ENTPD1: variants seen among roughly 807,000 people sequenced by gnomAD.
The protein encoded by ENTPD1 is ectonucleoside triphosphate diphosphohydrolase 1, also known as ATP diphosphohydrolase.
A neutral mutation model predicts 57.0 loss-of-function variants in ENTPD1; 33 were observed. The ratio of observed to expected loss-of-function variants is 0.58; its 90% CI spans 0.44 to 0.77. The LOEUF is 0.77. Among genes scored for constraint, ENTPD1 ranks in the 30% least tolerant of loss-of-function variants. The probability of loss-of-function intolerance (pLI) is 0.00; values close to 1 mark genes in which losing one functional copy is unlikely to be tolerated. For missense variants in ENTPD1, 501 were observed against 603.4 expected (o/e 0.83, Z 1.78); for synonymous variants, 202 against 218.8 (o/e 0.92, Z 0.68).
intron 2 of ENTPD1, chr10:95,839,300 G>C (rs991715174): frequency 3.7e-6 from 1 of 272,336 alleles, no homozygotes; most frequent in Admixed American, 4.9e-5. Flanking sequence ...GGTGATTCCC[G>C]TATGATTCCA....
chr10:95,810,426 G>A (rs907734574), intron 1 of ENTPD1, among the ~76,000 whole-genome samples: 13 of 143,604 alleles, frequency 9.1e-5, no homozygotes, highest in African/African-American at 2.4e-4. Flanking sequence ...GGGCAGAGGC[G>A]CTCCTCACTT....
rs1199632095 is a variant in ENTPD1 at position 95,870,498 on chromosome 10, C to T, written c.*4115C>T. 49 of 912,420 alleles carry T rather than the reference C, an allele frequency of 5.4e-5. No individual in the cohort carries two copies. The highest frequency in any genetic ancestry group is 6.3e-5 in the Non-Finnish European group (48 of 763,648). The allele number at this position is 912,420 out of a possible 1,614,324, so 56.5% of individuals were successfully genotyped here. On this transcript the variant is annotated 3_prime_UTR_variant, in exon 10 of 10. Coordinates refer to ENST00000371205, the MANE Select transcript of ENTPD1 (RefSeq NM_001776.6). ...TTTCCTATGTTGTCCAGGCTGGTCT[C>T]GAACTCCTGCCCTCAAGCAATCCTC...
At position 95,831,530 on chromosome 10, in the gene ENTPD1, C is replaced by A. The variant is rs551765161; in HGVS notation, c.145-8161C>A. Among the ~76,000 whole-genome samples, 6 of 152,386 alleles carry A rather than the reference C, an allele frequency of 3.9e-5. 1 individual carries two copies. The South Asian group carries it at 1.2e-3, about 32-fold the overall frequency. ...AGCAGAAGGCCTGGCCCACTGCAGA[C>A]ACTCAGTGATTGATAACTCATGTCT... On this transcript the variant is annotated intron_variant, in intron 2 of 9. Transcript: ENST00000371205.
chr10:95,756,354 C>A, intron 1 of ENTPD1, 99 bp downstream of exon 1: 1 of 1,330,770 alleles, frequency 7.5e-7, no homozygotes, highest in Non-Finnish European at 1.0e-6. Context: ...AAGCTGGAGG[C>A]AAAAAGCCCT....
intron 1 of ENTPD1, among the ~76,000 whole-genome samples, chr10:95,732,426 A>G (rs2097990243): frequency 6.6e-6 from 1 of 152,210 alleles, no homozygotes; most frequent in African/African-American, 2.4e-5. Flanking sequence ...TTCTCATCTC[A>G]GGCATTACTG....
intron 2 of ENTPD1, 118 bp from the exon 3 acceptor site, chr10:95,839,573 T>C: frequency 5.0e-6 from 5 of 1,004,718 alleles, no homozygotes; most frequent in Non-Finnish European, 8.0e-6. Flanking sequence ...ATCCCCTCAA[T>C]GTTCCTCTCA....
At chr10:95,766,412 C>T (rs1025553078) in intron 1 of ENTPD1, among the ~76,000 whole-genome samples, 1 of 152,148 alleles carries the variant, frequency 6.6e-6, no homozygotes, top group Non-Finnish European at 1.5e-5. Context: ...ACGCTCAATA[C>T]TATATTCCTC....
chr10:95,789,740 A>G (rs1363031589), intron 1 of ENTPD1, among the ~76,000 whole-genome samples: 1 of 152,218 alleles, frequency 6.6e-6, no homozygotes, highest in Non-Finnish European at 1.5e-5. Context: ...ATTACAGACC[A>G]TGCATGACAC....
intron 1 of ENTPD1, chr10:95,756,749 C>T (rs2098027236): frequency 6.6e-6 from 1 of 152,326 alleles, no homozygotes; most frequent in African/African-American, 2.5e-5. Context: ...GTTAATGTGG[C>T]ACAAGGCTGT....
At chr10:95,799,547 G>A (rs1412838434) in intron 1 of ENTPD1, among the ~76,000 whole-genome samples, 1 of 152,088 alleles carries the variant, frequency 6.6e-6, no homozygotes, top group African/African-American at 2.4e-5. Flanking sequence ...GTCTATGATT[G>A]ATGGGCATTT....
chr10:95,702,709 C>T, the ENTPD1 span, among the ~76,000 whole-genome samples: 3 of 152,132 alleles, frequency 2.0e-5, no homozygotes, highest in Non-Finnish European at 1.5e-5. Context: ...TTACTCAAAT[C>T]CCAAACATTG....
intron 1 of ENTPD1, among the ~76,000 whole-genome samples, chr10:95,739,320 G>C (rs2097997822): frequency 6.6e-6 from 1 of 152,194 alleles, no homozygotes; most frequent in African/African-American, 2.4e-5. Context: ...ATGTGATGCT[G>C]TTTGATAGCA....
chr10:95,739,418 A>T (rs1589660102), intron 1 of ENTPD1, among the ~76,000 whole-genome samples: 1 of 152,198 alleles, frequency 6.6e-6, no homozygotes, highest in East Asian at 1.9e-4. Flanking sequence ...TAACATTTTA[A>T]ATCCTTTGCT....
At position 95,871,335 on chromosome 10, in the gene ENTPD1, A is replaced by T; in HGVS notation, c.*4952A>T. On this transcript the variant is annotated 3_prime_UTR_variant, in exon 10 of 10. Coordinates refer to ENST00000371205, the MANE Select transcript of ENTPD1 (RefSeq NM_001776.6). ...AATATTATCTTTAAAAAATGTCATTACTTCTAAGACATCATCAGTCTGCAA... is the reference window on the plus strand; with the variant it reads ...AATATTATCTTTAAAAAATGTCATTTCTTCTAAGACATCATCAGTCTGCAA... 1.0e-6 allele frequency: 1 copy of T among 985,392 alleles called. No individual in the cohort carries two copies. Among genetic ancestry groups the T allele is most frequent in the Non-Finnish European group, 1.2e-6 (1 of 829,864 alleles). The allele number at this position is 985,392 out of a possible 1,614,324, so 61.0% of individuals were successfully genotyped here.
chr10:95,809,197 C>A (rs1212812197), intron 1 of ENTPD1, among the ~76,000 whole-genome samples: 1 of 152,196 alleles, frequency 6.6e-6, no homozygotes, highest in Non-Finnish European at 1.5e-5. Context: ...TCGACAAAAC[C>A]ACCATCGTCA....
At chr10:95,715,169 T>G (rs2097970074) in intron 1 of ENTPD1, among the ~76,000 whole-genome samples, 1 of 152,240 alleles carries the variant, frequency 6.6e-6, no homozygotes, top group African/African-American at 2.4e-5. Context: ...AGGAGTCATT[T>G]CAGATAACTG....
chr10:95,699,239 C>T, the ENTPD1 span, among the ~76,000 whole-genome samples: 4 of 151,998 alleles, frequency 2.6e-5, no homozygotes, highest in Non-Finnish European at 4.4e-5. Context: ...ATATAATTAA[C>T]ATTTATAGAG....
intron 7 of ENTPD1, 125 bp downstream of exon 7, chr10:95,847,831 G>A (rs2098438366): frequency 2.1e-6 from 3 of 1,415,244 alleles, no homozygotes; most frequent in Non-Finnish European, 2.9e-6. Context: ...AGATGATTAG[G>A]GGTTGGTTCT....
At chr10:95,802,680 T>A (rs2098254958) in intron 1 of ENTPD1, among the ~76,000 whole-genome samples, 1 of 152,206 alleles carries the variant, frequency 6.6e-6, no homozygotes, top group Admixed American at 6.5e-5. Flanking sequence ...ATTGTTCAAT[T>A]CCCACCTATG....
Sources: allele counts gnomAD v4.1 joint callset (sites outside exome capture counted in the v4.1 genomes callset), GRCh38; gene constraint gnomAD v4.1.1; transcripts MANE v1.5; gene names NCBI Gene and HGNC (gene_info 2026-07-23, HGNC 2026-07-21).